LARP7: variants seen among roughly 807,000 people sequenced by gnomAD.
LARP7 encodes la-related protein 7.
Under a neutral mutation model 69.3 loss-of-function variants are expected in LARP7, and 52 were observed. The ratio of observed to expected loss-of-function variants is 0.75; its 90% CI spans 0.60 to 0.95. LARP7 has a LOEUF of 0.95. LARP7 is among the 40% of genes least tolerant of loss of function. The probability of loss-of-function intolerance (pLI) is 0.00; values close to 1 mark genes in which losing one functional copy is unlikely to be tolerated. For synonymous variants in LARP7, 254 were observed against 215.9 expected, an observed-to-expected ratio of 1.18 and a Z score of -1.55; for missense variants, 733 against 673.0, an observed-to-expected ratio of 1.09 and a Z score of -0.99.
chr4:112,648,281 C>G (rs2048462936), intron 8 of LARP7: 2 of 528,112 alleles, frequency 3.8e-6, no homozygotes, highest in Non-Finnish European at 7.8e-6. Context: ...AGTTAGAATC[C>G]TTTAACCTGT....
At position 112,653,182 on chromosome 4, in the gene LARP7, A is replaced by G; in HGVS notation, c.1522A>G (p.Asn508Asp). The G allele has an allele frequency of 6.2e-7, 1 of 1,609,670 alleles. No individual in the cohort carries two copies. Among genetic ancestry groups the G allele is most frequent in the Non-Finnish European group, 8.5e-7 (1 of 1,178,048 alleles). Residue 508 changes from asparagine (N) to aspartate (D), a missense_variant, in exon 11 of 13, where the codon AAT (asparagine) becomes GAT (aspartate). Physicochemically the swap from Asn to Asp is conservative, Grantham distance 23. Transcript: ENST00000344442. ...KTPEDAQAVINAYTEINKKHC... is the reference protein window; with the variant it reads ...KTPEDAQAVIDAYTEINKKHC... The stretch of plus-strand genomic sequence containing the variant: ...TCCTGAGGATGCTCAAGCAGTAATA[A>G]ATGCCTATACAGAAATTAACAAGAA...
At chr4:112,648,179 C>T (rs2048445866) in intron 8 of LARP7, 1 of 531,280 alleles carries the variant, frequency 1.9e-6, no homozygotes, top group Non-Finnish European at 3.9e-6. Flanking sequence ...AAAAGGAAGA[C>T]TTACCATCAC....
At chr4:112,639,427 T>A (rs1178211239) in intron 1 of LARP7, among the ~76,000 whole-genome samples, 1 of 152,122 alleles carries the variant, frequency 6.6e-6, no homozygotes, top group Non-Finnish European at 1.5e-5. Flanking sequence ...AGACGTGGTC[T>A]CACCTTGTTA....
At chr4:112,645,167 G>T (rs1299360498) in intron 2 of LARP7, among the ~76,000 whole-genome samples, 1 of 151,854 alleles carries the variant, frequency 6.6e-6, no homozygotes, top group Non-Finnish European at 1.5e-5. Context: ...GGCTGGTCTC[G>T]AACTCCTGAC....
chr4:112,641,479 G>A (rs1217981459), intron 1 of LARP7, among the ~76,000 whole-genome samples: 1 of 152,158 alleles, frequency 6.6e-6, no homozygotes, highest in Non-Finnish European at 1.5e-5. Flanking sequence ...TCTATCTGGA[G>A]AATCGATTAT....
chr4:112,651,876 A>C (rs1292392580), intron 10 of LARP7, among the ~76,000 whole-genome samples: 2 of 152,162 alleles, frequency 1.3e-5, no homozygotes, highest in Non-Finnish European at 2.9e-5. Flanking sequence ...AAAACTCATT[A>C]CTACTACTGA....
chr4:112,649,013 C>T (rs1161287348), intron 8 of LARP7, among the ~76,000 whole-genome samples: 1 of 151,604 alleles, frequency 6.6e-6, no homozygotes, highest in South Asian at 2.1e-4. Flanking sequence ...CCCACTGAGC[C>T]GAGAAAGGCA....
chr4:112,654,930 T>C (rs2048895104), intron 12 of LARP7, among the ~76,000 whole-genome samples: 1 of 152,032 alleles, frequency 6.6e-6, no homozygotes, highest in African/African-American at 2.4e-5. Flanking sequence ...TGAACTTCCT[T>C]TTTTGTTAGG....
intron 10 of LARP7, among the ~76,000 whole-genome samples, chr4:112,652,298 C>G (rs1280898465): frequency 5.8e-5 from 8 of 136,772 alleles, no homozygotes; most frequent in Non-Finnish European, 9.5e-5. Context: ...AGATTTCCCC[C>G]CCCCCCCCAT....
At position 112,647,350 on chromosome 4, in the gene LARP7, T is replaced by C. The variant is rs997074760; in HGVS notation, c.798T>C (p.Thr266=). The C allele has an allele frequency of 1.7e-5, 27 of 1,613,918 alleles. No individual in the cohort carries two copies. Among genetic ancestry groups the C allele is most frequent in the Non-Finnish European group, 2.2e-5 (26 of 1,180,002 alleles). The change falls in exon 7 of 13, where the codon ACT becomes ACC. Residue 266 remains threonine (T), a synonymous_variant. Transcript: ENST00000344442. ...CTGAGGGCTCTGACATTGAGTCCAC[T>C]GAACCCCAAAAGCAGTGCTCAAAGA... ...PTSEGSDIES[T]EPQKQCSKKK... is the part of the protein sequence containing the mutation.
chr4:112,647,564 T>C lies in LARP7; in HGVS notation c.997+15T>C. 2 of 1,498,960 alleles carry C rather than the reference T, an allele frequency of 1.3e-6. No individual in the cohort carries two copies. The highest frequency in any genetic ancestry group is 1.8e-6 in the Non-Finnish European group (2 of 1,106,512). The allele number at this position is 1,498,960 out of a possible 1,614,324, so 92.9% of individuals were successfully genotyped here. On this transcript the variant is annotated intron_variant, in intron 7 of 12. Coordinates refer to ENST00000344442, the MANE Select transcript of LARP7 (RefSeq NM_016648.4). ...GGAAAATAGAGGTAAAACTACAAGG[T>C]TTTAATTAGATAAAACTAATTAATT...
chr4:112,647,855 C>A, intron 8 of LARP7, 21 bp downstream of exon 8: 1 of 1,511,804 alleles, frequency 6.6e-7, no homozygotes. Context: ...GGTTTAAATT[C>A]TGTCATTGGC....
chr4:112,653,258 C>CT (rs368304759), intron 11 of LARP7, 22 bp downstream of exon 11: 21,443 of 1,288,020 alleles, frequency 0.017, 87 homozygotes, highest in East Asian at 0.12. Flanking sequence ...TAGACGTTTC[C>CT]TTTTTTTTTT....
chr4:112,649,644 G>C lies in LARP7; in HGVS notation c.1252G>C (p.Asp418His). The change falls in exon 9 of 13, where the codon GAC (aspartate) becomes CAC (histidine). Residue 418 changes from aspartate (D) to histidine (H), a missense_variant. Physicochemically the swap from Asp to His is moderately conservative, Grantham distance 81 (BLOSUM62 -1). Coordinates refer to ENST00000344442, the MANE Select transcript of LARP7 (RefSeq NM_016648.4). ...QIKSESEMET[D>H]SGVPQNTGMK... The stretch of plus-strand genomic sequence containing the variant: ...AAAATCAGAGTCAGAAATGGAAACA[G>C]ACAGTGGAGTACCTCAAAACACTGG... 1 of 1,608,742 alleles carries C rather than the reference G, an allele frequency of 6.2e-7. No individual in the cohort carries two copies. The highest frequency in any genetic ancestry group is 1.3e-5 in the African/African-American group (1 of 74,822).
chr4:112,654,228 G>A (rs762940636), intron 12 of LARP7, 69 bp downstream of exon 12: 1 of 1,067,394 alleles, frequency 9.4e-7, no homozygotes, highest in Non-Finnish European at 1.4e-6. Flanking sequence ...GTCAGTACTA[G>A]GTAGTCATAA....
rs1017845293 is a variant in LARP7 at position 112,645,294 on chromosome 4, C to T, written c.202+423C>T. ...TATATTCGTTTCTGTAAGTGTGTTC[C>T]GTGTAATCTGTTCTAATTTTTATTT... On this transcript the variant is annotated intron_variant, in intron 2 of 12. Coordinates refer to ENST00000344442, the MANE Select transcript of LARP7 (RefSeq NM_016648.4). Among the ~76,000 whole-genome samples the T allele has an allele frequency of 3.9e-5, 6 of 151,942 alleles. No individual in the cohort carries two copies. In the South Asian group the frequency reaches 6.2e-4, roughly 16 times the overall value.
Position 112,657,275 on chromosome 4 carries a change from T to C in LARP7, c.1697T>C (p.Leu566Pro), listed in dbSNP as rs767346027. ...ATCACCAAAGCTGAAAAGATTAGACTGGCAAAGACTCAACAAGCGAGTAAA... is the reference window on the plus strand; with the variant it reads ...ATCACCAAAGCTGAAAAGATTAGACCGGCAAAGACTCAACAAGCGAGTAAA... ...KLITKAEKIR[L>P]AKTQQASKHI... Residue 566 changes from leucine (L) to proline (P), a missense_variant, in exon 13 of 13, where the codon CTG becomes CCG. Coordinates refer to ENST00000344442, the MANE Select transcript of LARP7 (RefSeq NM_016648.4). 1.3e-6 allele frequency: 2 copies of C among 1,591,518 alleles called. No individual in the cohort carries two copies.
intron 6 of LARP7, 22 bp from the exon 7 acceptor site, chr4:112,647,177 A>G (rs761784896): frequency 2.5e-6 from 4 of 1,592,374 alleles, no homozygotes; most frequent in Non-Finnish European, 2.6e-6. Flanking sequence ...AAGATGAACT[A>G]ATAATGATGG....
chr4:112,644,783 T>C lies in LARP7; in HGVS notation c.114T>C (p.Ile38=). 1 of 1,607,490 alleles carries C rather than the reference T, an allele frequency of 6.2e-7. No homozygotes were observed. Among genetic ancestry groups the C allele is most frequent in the Non-Finnish European group, 8.5e-7 (1 of 1,175,366 alleles). Residue 38 remains isoleucine, a synonymous_variant, in exon 2 of 13, where the codon ATT becomes ATC. Transcript: ENST00000344442. ...GAGTTAAACAGGTGCTTGCAGATAT[T>C]GCTAAGCAAGTGGACTTCTGGTTTG... is the stretch of plus-strand genomic sequence containing the variant. ...RSRVKQVLAD[I]AKQVDFWFGD... is the part of the protein sequence containing the mutation.
Sources: allele counts gnomAD v4.1 joint callset (sites outside exome capture counted in the v4.1 genomes callset), GRCh38; gene constraint gnomAD v4.1.1; transcripts MANE v1.5; gene names NCBI Gene and HGNC (gene_info 2026-07-23, HGNC 2026-07-21).